The following BBS9 variants were observed in gnomAD, a reference collection of about 807,000 sequenced individuals.
BBS9 encodes the protein protein PTHB1.
A neutral mutation model predicts 117.7 loss-of-function variants in BBS9; 89 were observed. The observed-to-expected ratio is 0.76, with a 90% CI of 0.64 to 0.90. The LOEUF is 0.90. BBS9 is among the 40% of genes least tolerant of loss of function. The pLI is 0.00. For synonymous variants in BBS9, 379 were observed against 370.9 expected (o/e 1.02, Z -0.25); for missense variants, 982 against 1,042.2 (o/e 0.94, Z 0.80).
intron 21 of BBS9, among the ~76,000 whole-genome samples, chr7:33,628,669 T>C (rs1865752934): frequency 6.6e-6 from 1 of 152,194 alleles, no homozygotes; most frequent in Non-Finnish European, 1.5e-5. Context: ...AGCCAGGTAC[T>C]AGAGATGCTA....
chr7:33,550,180 A>T lies in BBS9; in HGVS notation c.2521+16004A>T, dbSNP rs543750028. Among the ~76,000 whole-genome samples, 9 of 152,214 alleles carry T rather than the reference A, an allele frequency of 5.9e-5. No individual in the cohort carries two copies. In the South Asian group the frequency reaches 1.9e-3, roughly 32 times the overall value. On this transcript the variant is annotated intron_variant, in intron 21 of 22. Transcript: ENST00000242067. ...TCCTGTTTCTTTTCCTTCAAGTTCT[A>T]CTCCCAGTATCTGCTCGCTCTCTGA...
chr7:33,591,741 C>T (rs767461525), intron 21 of BBS9, among the ~76,000 whole-genome samples: 1 of 151,980 alleles, frequency 6.6e-6, no homozygotes, highest in Non-Finnish European at 1.5e-5. Context: ...ACTGTTTTAC[C>T]CTTTTATCTT....
chr7:33,175,399 C>T (rs900242779), intron 4 of BBS9, among the ~76,000 whole-genome samples: 1 of 151,906 alleles, frequency 6.6e-6, no homozygotes, highest in African/African-American at 2.4e-5. Context: ...TCAAGAAATC[C>T]TCCCCTGATA....
chr7:33,231,474 G>A (rs1274342851), intron 5 of BBS9, among the ~76,000 whole-genome samples: 1 of 126,758 alleles, frequency 7.9e-6, no homozygotes, highest in Non-Finnish European at 1.7e-5. Flanking sequence ...TGATTGCTAT[G>A]GCTTTGTAAT....
intron 19 of BBS9, among the ~76,000 whole-genome samples, chr7:33,493,788 C>T (rs1158907250): frequency 2.0e-5 from 3 of 152,184 alleles, no homozygotes; most frequent in African/African-American, 7.2e-5. Flanking sequence ...TGGACCCCAT[C>T]CCATGAGTGT....
intron 20 of BBS9, among the ~76,000 whole-genome samples, chr7:33,509,893 T>A (rs1846675018): frequency 6.6e-6 from 1 of 152,240 alleles, no homozygotes; most frequent in African/African-American, 2.4e-5. Flanking sequence ...TGGAGCAGAA[T>A]TAATCGTTGT....
chr7:33,307,491 ATT>A (rs749547324), intron 9 of BBS9, among the ~76,000 whole-genome samples: 1 of 144,986 alleles, frequency 6.9e-6, no homozygotes, highest in Non-Finnish European at 1.5e-5. Context: ...TAACTATTGC[ATT>A]TTTTTTTTTT....
At chr7:33,420,634 A>G (rs1832719043) in intron 19 of BBS9, among the ~76,000 whole-genome samples, 1 of 152,130 alleles carries the variant, frequency 6.6e-6, no homozygotes, top group South Asian at 2.1e-4. Context: ...GACAGAGATG[A>G]TGCTGAGGAG....
intron 20 of BBS9, among the ~76,000 whole-genome samples, chr7:33,524,535 G>C (rs550314855): frequency 0.02 from 2,989 of 152,262 alleles, 42 homozygotes; most frequent in Middle Eastern, 0.045. Context: ...GTTTATTTGC[G>C]TAGAGGTGTT....
intron 2 of BBS9, among the ~76,000 whole-genome samples, chr7:33,151,346 C>CT (rs201906469): frequency 1.8e-3 from 273 of 150,880 alleles, no homozygotes; most frequent in African/African-American, 6.0e-3. Context: ...TATCAGTTAT[C>CT]TTTTTTTTTG....
Position 33,615,117 on chromosome 7 carries a change from TG to T in BBS9, c.2522-20059del, listed in dbSNP as rs1186334606. ...ATAGAATGCCTTCTGTGCCCTCCCC[TG>T]CCCCACAACCTTACCACCACATTAC... On this transcript the variant is annotated intron_variant, in intron 21 of 21. Coordinates refer to the BBS9 transcript ENST00000671952. Among the ~76,000 whole-genome samples, 4 of 152,114 alleles carry T rather than the reference TG, an allele frequency of 2.6e-5. No homozygotes were observed. The East Asian group carries it at 7.8e-4, about 29-fold the overall frequency.
chr7:33,469,244 G>A (rs1840637349), intron 19 of BBS9, among the ~76,000 whole-genome samples: 1 of 152,122 alleles, frequency 6.6e-6, no homozygotes, highest in Non-Finnish European at 1.5e-5. Context: ...CAAGTGCAAT[G>A]AGATAAAAGA....
At chr7:33,605,159 T>C in intron 22 of BBS9, 36 bp from the exon 23 acceptor site, 1 of 1,589,500 alleles carries the variant, frequency 6.3e-7, no homozygotes, top group Non-Finnish European at 8.6e-7. Context: ...TTCAGATCTT[T>C]TCTCTCTCTT....
Position 33,388,000 on chromosome 7 carries a change from A to C in BBS9, c.1971A>C (p.Ile657=). The C allele has an allele frequency of 6.2e-7, 1 of 1,614,128 alleles. No individual in the cohort carries two copies. The highest frequency in any genetic ancestry group is 8.5e-7 in the Non-Finnish European group (1 of 1,179,968). ...ELIDHHFELR[I]NGEKLEELLS... is the part of the protein sequence containing the mutation. Reference sequence around the variant, plus strand: ...GAAATTATTCATTGCAGCTACGGATAAATGGTGAAAAATTAGAAGAACTCT... The same window carrying C: ...GAAATTATTCATTGCAGCTACGGATCAATGGTGAAAAATTAGAAGAACTCT... The change falls in exon 19 of 23, where the codon ATA becomes ATC. Residue 657 remains isoleucine, a synonymous_variant. Coordinates refer to ENST00000242067, the MANE Select transcript of BBS9 (RefSeq NM_198428.3).
At chr7:33,582,750 G>C (rs527435741) in intron 21 of BBS9, among the ~76,000 whole-genome samples, 2 of 152,224 alleles carry the variant, frequency 1.3e-5, no homozygotes, top group African/African-American at 2.4e-5. Context: ...GACTTAAAGA[G>C]AATATGAGGA....
intron 1 of BBS9, among the ~76,000 whole-genome samples, chr7:33,134,327 C>T (rs1029666722): frequency 4.6e-5 from 7 of 151,026 alleles, no homozygotes; most frequent in African/African-American, 9.8e-5. Flanking sequence ...GGCCTCCCAA[C>T]GTGCTGGGAT....
chr7:33,345,643 A>G (rs917373764), intron 12 of BBS9, among the ~76,000 whole-genome samples: 4 of 152,188 alleles, frequency 2.6e-5, no homozygotes, highest in African/African-American at 9.6e-5. Flanking sequence ...CCCCAGTCCA[A>G]TCAAAGGCTC....
intron 19 of BBS9, among the ~76,000 whole-genome samples, chr7:33,434,610 C>G (rs1835029577): frequency 6.6e-6 from 1 of 152,108 alleles, no homozygotes; most frequent in Non-Finnish European, 1.5e-5. Context: ...AAAATGAGAG[C>G]TGCTATCTGC....
At chr7:33,211,320 T>C (rs1266903639) in intron 5 of BBS9, among the ~76,000 whole-genome samples, 1 of 152,184 alleles carries the variant, frequency 6.6e-6, no homozygotes, top group Non-Finnish European at 1.5e-5. Context: ...TGTGTGTGTG[T>C]ATCTCTTGTA....
Sources: gnomAD v4.1 joint callset for allele counts (sites outside exome capture counted in the v4.1 genomes callset) on GRCh38, gnomAD v4.1.1 for gene constraint, MANE v1.5 for transcripts, NCBI Gene and HGNC (gene_info 2026-07-23, HGNC 2026-07-21) for gene names.